The following PTPN3 variants were observed in gnomAD, a reference collection of about 807,000 sequenced individuals.
The protein encoded by PTPN3 is protein tyrosine phosphatase non-receptor type 3, also known as tyrosine-protein phosphatase non-receptor type 3.
In PTPN3, 96 loss-of-function variants were observed where a neutral mutation model predicts 132.7. The observed-to-expected ratio is 0.72, with a 90% CI of 0.61 to 0.86. The LOEUF (loss-of-function observed/expected upper bound fraction) is 0.86, where lower values mean the gene tolerates loss of function less well. Among genes scored for constraint, PTPN3 ranks in the 40% least tolerant of loss-of-function variants. The probability of loss-of-function intolerance (pLI) is 0.00; values close to 1 mark genes in which losing one functional copy is unlikely to be tolerated. For synonymous variants in PTPN3, 398 were observed against 429.0 expected (o/e 0.93, Z 0.89); for missense variants, 1,125 against 1,159.6 (o/e 0.97, Z 0.43).
intron 5 of PTPN3, among the ~76,000 whole-genome samples, chr9:109,452,494 A>AAT (rs1845323207): frequency 6.6e-6 from 1 of 151,966 alleles, no homozygotes; most frequent in Admixed American, 6.6e-5. Context: ...CATTATATAT[A>AAT]ATATATATAA....
intron 14 of PTPN3, among the ~76,000 whole-genome samples, chr9:109,415,036 G>GTCCGTCCGTCCGTCCA (rs56265972): frequency 0.47 from 68,679 of 145,212 alleles, 16,904 homozygotes; most frequent in South Asian, 0.69. Context: ...CCGTCTGTCC[G>GTCCGTCCGTCCGTCCA]TCCGTCCGTC....
intron 1 of PTPN3, among the ~76,000 whole-genome samples, chr9:109,467,406 G>A (rs566449847): frequency 3.9e-5 from 6 of 152,110 alleles, no homozygotes; most frequent in African/African-American, 7.2e-5. Context: ...CAGGTGTGGC[G>A]CAGGATCACA....
intron 13 of PTPN3, among the ~76,000 whole-genome samples, chr9:109,421,443 T>A (rs974088300): frequency 1.3e-5 from 2 of 152,330 alleles, no homozygotes; most frequent in African/African-American, 4.8e-5. Flanking sequence ...TGGGCCTGGA[T>A]AATCAATAAT....
chr9:109,526,408 C>G, the PTPN3 span, among the ~76,000 whole-genome samples: 1 of 151,732 alleles, frequency 6.6e-6, no homozygotes, highest in Non-Finnish European at 1.5e-5. Context: ...TGCAGTGGCT[C>G]ATTCCTATAA....
intron 19 of PTPN3, among the ~76,000 whole-genome samples, chr9:109,396,525 C>T (rs1840612965): frequency 6.6e-6 from 1 of 152,084 alleles, no homozygotes; most frequent in Non-Finnish European, 1.5e-5. Context: ...GGCTGAGAGG[C>T]AGGGTCACAG....
chr9:109,499,894 G>A (rs1189155845), upstream of PTPN3, among the ~76,000 whole-genome samples: 1 of 152,186 alleles, frequency 6.6e-6, no homozygotes, highest in Non-Finnish European at 1.5e-5. Flanking sequence ...AAAACCTGGA[G>A]CCGCGGCGCC....
intron 4 of PTPN3, 174 bp downstream of exon 4, chr9:109,456,999 G>A: frequency 1.5e-6 from 1 of 661,688 alleles, no homozygotes. Flanking sequence ...GGGCTGATCT[G>A]GAAGCATCTC....
chr9:109,494,373 G>A (rs962825411), intron 1 of PTPN3, among the ~76,000 whole-genome samples: 14 of 152,210 alleles, frequency 9.2e-5, no homozygotes, highest in African/African-American at 3.1e-4. Context: ...GGTACAAGGA[G>A]GACTGCTTGA....
At chr9:109,408,421 T>TGAAC in intron 16 of PTPN3, 44 bp from the exon 17 acceptor site, 1 of 1,191,750 alleles carries the variant, frequency 8.4e-7, no homozygotes, top group Admixed American at 2.3e-5. Context: ...TTTTTTAAGT[T>TGAAC]AAACAAACAA....
intron 6 of PTPN3, among the ~76,000 whole-genome samples, chr9:109,446,123 C>T (rs775748129): frequency 7.9e-5 from 12 of 152,154 alleles, no homozygotes; most frequent in Non-Finnish European, 1.6e-4. Flanking sequence ...GGGGTCACTG[C>T]TGGGCAGAAC....
At chr9:109,466,006 G>A in intron 1 of PTPN3, among the ~76,000 whole-genome samples, 1 of 151,978 alleles carries the variant, frequency 6.6e-6, no homozygotes, top group Non-Finnish European at 1.5e-5. Flanking sequence ...GCCTTCCCTG[G>A]TCTCCCTAAC....
chr9:109,396,202 G>T (rs1018772106), intron 19 of PTPN3, among the ~76,000 whole-genome samples: 2 of 152,116 alleles, frequency 1.3e-5, no homozygotes, highest in African/African-American at 4.8e-5. Flanking sequence ...CAGGCCCTGT[G>T]GGCTGCTTGG....
chr9:109,387,019 G>A (rs1438286690), intron 22 of PTPN3, among the ~76,000 whole-genome samples: 1 of 152,200 alleles, frequency 6.6e-6, no homozygotes, highest in Non-Finnish European at 1.5e-5. Flanking sequence ...GGGAAGTGAA[G>A]AGAAGGGAGG....
At chr9:109,404,374 T>C (rs1176611486) in intron 19 of PTPN3, 74 bp downstream of exon 19, 1 of 1,113,878 alleles carries the variant, frequency 9.0e-7, no homozygotes, top group Admixed American at 2.9e-5. Context: ...CTGCCTCATT[T>C]CCTCCACTGC....
At chr9:109,536,941 A>G in the PTPN3 span, among the ~76,000 whole-genome samples, 1 of 146,536 alleles carries the variant, frequency 6.8e-6, no homozygotes, top group African/African-American at 2.5e-5. Flanking sequence ...CCTTCCCCCC[A>G]CCCCCCAATA....
At chr9:109,438,869 C>G (rs1484655451) in intron 7 of PTPN3, among the ~76,000 whole-genome samples, 1 of 152,016 alleles carries the variant, frequency 6.6e-6, no homozygotes, top group African/African-American at 2.4e-5. Context: ...CAGCAAAGTT[C>G]CTAGGGAGAA....
At chr9:109,534,649 A>AC in the PTPN3 span, among the ~76,000 whole-genome samples, 4 of 149,838 alleles carry the variant, frequency 2.7e-5, no homozygotes, top group East Asian at 2.0e-4. Context: ...AAAAAAAAAA[A>AC]AAAATACCTG....
upstream of PTPN3, among the ~76,000 whole-genome samples, chr9:109,499,924 G>C (rs1051641815): frequency 5.3e-5 from 8 of 152,190 alleles, no homozygotes; most frequent in Non-Finnish European, 7.4e-5. Flanking sequence ...CCACTCGGAC[G>C]GGCGGGGAGC....
chr9:109,425,345 G>C (rs557727302), intron 12 of PTPN3, among the ~76,000 whole-genome samples: 3 of 152,184 alleles, frequency 2.0e-5, no homozygotes, highest in African/African-American at 4.8e-5. Context: ...GCTCAGACAC[G>C]GGTCTCATTT....
Sources: allele counts gnomAD v4.1 joint callset (sites outside exome capture counted in the v4.1 genomes callset), GRCh38; gene constraint gnomAD v4.1.1; transcripts MANE v1.5; gene names NCBI Gene and HGNC (gene_info 2026-07-23, HGNC 2026-07-21).